The following PTPRD variants were observed in gnomAD, a reference collection of about 807,000 sequenced individuals.
The protein encoded by PTPRD is receptor-type tyrosine-protein phosphatase delta.
A neutral mutation model predicts 214.5 loss-of-function variants in PTPRD; 34 were observed. The ratio of observed to expected loss-of-function variants is 0.16; its 90% CI spans 0.12 to 0.21. PTPRD has a LOEUF of 0.21. Ranked by LOEUF, PTPRD falls within the 10% of genes least tolerant of loss-of-function variation. The pLI is 1.00. For missense variants in PTPRD, 2,545 were observed against 2,398.7 expected (o/e 1.06, Z -1.27); for synonymous variants, 1,128 against 845.7 (o/e 1.33, Z -5.79).
At chr9:10,139,457 A>G (rs1592149431) in intron 3 of PTPRD, among the ~76,000 whole-genome samples, 1 of 152,224 alleles carries the variant, frequency 6.6e-6, no homozygotes, top group South Asian at 2.1e-4. Flanking sequence ...TCCCAAAGCA[A>G]TTTAAAGATT....
At chr9:9,647,054 T>C (rs1017555383) in intron 7 of PTPRD, among the ~76,000 whole-genome samples, 9 of 152,208 alleles carry the variant, frequency 5.9e-5, no homozygotes, top group Non-Finnish European at 1.0e-4. Flanking sequence ...TTTGCCCATC[T>C]GTGCTTAATT....
intron 12 of PTPRD, among the ~76,000 whole-genome samples, chr9:8,732,699 T>A (rs2098673352): frequency 6.6e-6 from 1 of 152,200 alleles, no homozygotes; most frequent in Admixed American, 6.5e-5. Flanking sequence ...ATTAATGTTA[T>A]TCCTTTCACT....
At chr9:10,076,519 A>C (rs2098134070) in intron 3 of PTPRD, among the ~76,000 whole-genome samples, 1 of 151,880 alleles carries the variant, frequency 6.6e-6, no homozygotes, top group Non-Finnish European at 1.5e-5. Context: ...ATATGATAAA[A>C]CTCTATAAAA....
At chr9:9,814,860 C>T (rs1002472812) in intron 5 of PTPRD, among the ~76,000 whole-genome samples, 9 of 141,050 alleles carry the variant, frequency 6.4e-5, no homozygotes, top group African/African-American at 1.8e-4. Context: ...AGTACAGTGG[C>T]ACGATCACGG....
chr9:10,445,305 T>C (rs184317093), intron 2 of PTPRD, among the ~76,000 whole-genome samples: 84 of 152,114 alleles, frequency 5.5e-4, no homozygotes, highest in Admixed American at 4.8e-3. Flanking sequence ...ATTGTTGACT[T>C]TGAAGCACTT....
chr9:9,058,482 G>GCT (rs1434536415), intron 10 of PTPRD, among the ~76,000 whole-genome samples: 15 of 74,314 alleles, frequency 2.0e-4, no homozygotes, highest in Non-Finnish European at 3.2e-4. Flanking sequence ...ACGGAGTCTC[G>GCT]CTGTCGCCCA....
intron 9 of PTPRD, among the ~76,000 whole-genome samples, chr9:9,349,854 C>G (rs2050432720): frequency 6.6e-6 from 1 of 151,908 alleles, no homozygotes; most frequent in African/African-American, 2.4e-5. Flanking sequence ...CAGAACTTAT[C>G]CAGAACCCTA....
At chr9:8,775,022 G>A (rs568821356) in intron 11 of PTPRD, among the ~76,000 whole-genome samples, 12 of 152,176 alleles carry the variant, frequency 7.9e-5, no homozygotes, top group South Asian at 6.2e-4. Flanking sequence ...TTGATCGGGC[G>A]CCATGGCCAA....
intron 44 of PTPRD, among the ~76,000 whole-genome samples, chr9:8,330,908 A>ATAAAATTAGATGAATTGCTTTT (rs1400431403): frequency 1.3e-5 from 2 of 150,794 alleles, no homozygotes; most frequent in Non-Finnish European, 2.9e-5. Flanking sequence ...ATTAGTTTAA[A>ATAAAATTAGATGAATTGCTTTT]TAAAATTAGA....
intron 5 of PTPRD, among the ~76,000 whole-genome samples, chr9:9,800,837 T>G (rs900207111): frequency 6.6e-6 from 1 of 152,138 alleles, no homozygotes; most frequent in African/African-American, 2.4e-5. Flanking sequence ...AATAAGCAAT[T>G]TAAAGCTTGT....
intron 4 of PTPRD, among the ~76,000 whole-genome samples, chr9:9,952,591 G>T (rs2093556011): frequency 6.6e-6 from 1 of 152,124 alleles, no homozygotes; most frequent in Non-Finnish European, 1.5e-5. Context: ...TGAATGGAAG[G>T]CTGGTTTTAC....
intron 3 of PTPRD, among the ~76,000 whole-genome samples, chr9:10,050,853 A>AT (rs1376291966): frequency 6.6e-6 from 1 of 152,074 alleles, no homozygotes; most frequent in African/African-American, 2.4e-5. Flanking sequence ...GACTCCAAAA[A>AT]TTAATTCTCT....
intron 9 of PTPRD, among the ~76,000 whole-genome samples, chr9:9,352,618 C>G (rs1472162147): frequency 6.6e-6 from 1 of 151,814 alleles, no homozygotes; most frequent in African/African-American, 2.4e-5. Flanking sequence ...ATTCCTAACA[C>G]ACTCAGAGAA....
chr9:8,865,906 C>T (rs1014340079), intron 11 of PTPRD, among the ~76,000 whole-genome samples: 5 of 152,094 alleles, frequency 3.3e-5, no homozygotes, highest in South Asian at 2.1e-4. Context: ...CGTAGTTCCA[C>T]GGAACTTTTG....
chr9:9,143,494 G>A (rs1051692770), intron 10 of PTPRD, among the ~76,000 whole-genome samples: 31 of 152,090 alleles, frequency 2.0e-4, no homozygotes, highest in African/African-American at 6.3e-4. Context: ...TTGAAAGGGA[G>A]CCCCTTTAAA....
intron 20 of PTPRD, among the ~76,000 whole-genome samples, chr9:8,520,112 G>A (rs1169236419): frequency 6.6e-6 from 1 of 152,130 alleles, no homozygotes; most frequent in South Asian, 2.1e-4. Context: ...AACTTTCAAA[G>A]CAAATACAAA....
At chr9:9,622,782 G>A (rs967285169) in intron 7 of PTPRD, among the ~76,000 whole-genome samples, 14 of 152,148 alleles carry the variant, frequency 9.2e-5, no homozygotes, top group African/African-American at 3.1e-4. Flanking sequence ...CTTGGTAAAG[G>A]GATAAACACT....
At chr9:8,330,090 G>A (rs536467276) in intron 44 of PTPRD, among the ~76,000 whole-genome samples, 3 of 152,170 alleles carry the variant, frequency 2.0e-5, no homozygotes, top group South Asian at 4.2e-4. Context: ...ACTGTTCCTC[G>A]TGGTACAGTC....
Position 8,375,924 on chromosome 9 carries a change from A to G in PTPRD, c.4661+12T>C, listed in dbSNP as rs2134791201. On this transcript the variant is annotated intron_variant, in intron 39 of 45. Transcript: ENST00000381196. ...TCTGTTTCCTGACTGCAAGTGAACA[A>G]ACGCTTCTTACCTGCAGTGCACAAC... 3.7e-6 allele frequency: 6 copies of G among 1,605,730 alleles called. No individual in the cohort carries two copies. The highest frequency in any genetic ancestry group is 5.1e-6 in the Non-Finnish European group (6 of 1,176,390).
Sources: allele counts gnomAD v4.1 joint callset (sites outside exome capture counted in the v4.1 genomes callset), GRCh38; gene constraint gnomAD v4.1.1; transcripts MANE v1.5; gene names NCBI Gene and HGNC (gene_info 2026-07-23, HGNC 2026-07-21).